SNX24: variants seen among roughly 807,000 people sequenced by gnomAD.
SNX24 encodes the protein sorting nexin 24.
Under a neutral mutation model 28.7 loss-of-function variants are expected in SNX24, and 22 were observed. That is an observed-to-expected ratio of 0.77 (90% confidence interval 0.55 to 1.10). SNX24 has a LOEUF of 1.10. Among genes scored for constraint, SNX24 ranks in the 50% least tolerant of loss-of-function variants. The pLI, the probability that SNX24 is intolerant of heterozygous loss-of-function variation, is 0.00. For missense variants in SNX24, 221 were observed against 201.1 expected (o/e 1.10, Z -0.60); for synonymous variants, 69 against 71.5 (o/e 0.96, Z 0.18).
At chr5:123,023,902 A>G (rs1180603090) in intron 5 of SNX24, 1 of 1,613,898 alleles carries the variant, frequency 6.2e-7, no homozygotes, top group Non-Finnish European at 8.5e-7. Flanking sequence ...CAACCACAAA[A>G]GGCGTTTTCA....
intron 1 of SNX24, among the ~76,000 whole-genome samples, chr5:122,914,322 A>G (rs1758064095): frequency 6.6e-6 from 1 of 152,226 alleles, no homozygotes; most frequent in African/African-American, 2.4e-5. Flanking sequence ...GGATTTTTGC[A>G]TCAATGTTCA....
At chr5:123,013,961 T>C (rs890123349), downstream of SNX24, among the ~76,000 whole-genome samples, 9 of 152,198 alleles carry the variant, frequency 5.9e-5, no homozygotes, top group African/African-American at 1.7e-4. Context: ...GAATGAATAC[T>C]AATTTAGGGG....
At chr5:122,912,602 G>A (rs1480835085) in intron 1 of SNX24, among the ~76,000 whole-genome samples, 1 of 152,054 alleles carries the variant, frequency 6.6e-6, no homozygotes, top group East Asian at 1.9e-4. Context: ...ATTGGCTGTG[G>A]GTTTGTCATA....
At chr5:122,946,015 T>TG (rs5871017) in intron 2 of SNX24, 40 bp from the exon 3 acceptor site, 18 of 914,220 alleles carry the variant, frequency 2.0e-5, no homozygotes, top group Non-Finnish European at 2.5e-5. Context: ...GACATCTCTG[T>TG]TTTTTTTTTT....
chr5:122,969,747 G>A (rs549974275), intron 3 of SNX24, among the ~76,000 whole-genome samples: 8 of 152,206 alleles, frequency 5.3e-5, no homozygotes, highest in East Asian at 1.9e-4. Flanking sequence ...AAACATTCAC[G>A]ATAGGAGACT....
intron 5 of SNX24, among the ~76,000 whole-genome samples, chr5:123,027,791 A>C (rs1762882418): frequency 6.6e-6 from 1 of 152,226 alleles, no homozygotes; most frequent in Non-Finnish European, 1.5e-5. Flanking sequence ...GTATTTGTTG[A>C]ATTAAAAATC....
At chr5:122,971,659 C>T (rs993493717) in intron 3 of SNX24, among the ~76,000 whole-genome samples, 1 of 152,042 alleles carries the variant, frequency 6.6e-6, no homozygotes, top group Admixed American at 6.6e-5. Flanking sequence ...TCTTATATCA[C>T]ATGATAAGGG....
At chr5:122,958,490 G>A (rs995465828) in intron 3 of SNX24, among the ~76,000 whole-genome samples, 1 of 151,808 alleles carries the variant, frequency 6.6e-6, no homozygotes, top group African/African-American at 2.4e-5. Context: ...TTGATCTCAG[G>A]TGATCCACCC....
chr5:122,948,123 T>C (rs937420325), intron 3 of SNX24, among the ~76,000 whole-genome samples: 2 of 152,216 alleles, frequency 1.3e-5, no homozygotes, highest in African/African-American at 4.8e-5. Flanking sequence ...GAGTTAGTTT[T>C]CTTTTCCGCT....
intron 1 of SNX24, among the ~76,000 whole-genome samples, chr5:122,907,589 T>C (rs544399144): frequency 6.6e-6 from 1 of 152,334 alleles, no homozygotes; most frequent in African/African-American, 2.4e-5. Context: ...TCCAGACATG[T>C]ACTAATTTAT....
intron 1 of SNX24, among the ~76,000 whole-genome samples, chr5:122,918,221 C>T (rs1026263955): frequency 6.6e-5 from 10 of 152,142 alleles, no homozygotes; most frequent in African/African-American, 2.4e-4. Flanking sequence ...GGGGTTAGAG[C>T]TTCAGCATAC....
At chr5:122,855,336 G>A (rs1326112313) in intron 1 of SNX24, among the ~76,000 whole-genome samples, 1 of 152,108 alleles carries the variant, frequency 6.6e-6, no homozygotes, top group Non-Finnish European at 1.5e-5. Flanking sequence ...CCAAAGTGCT[G>A]GGATTACAGG....
intron 1 of SNX24, among the ~76,000 whole-genome samples, chr5:122,901,784 T>C (rs1581724721): frequency 6.6e-6 from 1 of 152,190 alleles, no homozygotes; most frequent in African/African-American, 2.4e-5. Flanking sequence ...GCCTGGTAGA[T>C]GCCTGGTCCT....
At chr5:123,024,951 G>C (rs1762830262) in intron 5 of SNX24, among the ~76,000 whole-genome samples, 1 of 152,110 alleles carries the variant, frequency 6.6e-6, no homozygotes, top group South Asian at 2.1e-4. Flanking sequence ...AAGGGAATGA[G>C]GGTTTTAAGA....
chr5:122,883,234 G>GTGAC (rs1756559513), intron 1 of SNX24, among the ~76,000 whole-genome samples: 1 of 152,158 alleles, frequency 6.6e-6, no homozygotes, highest in South Asian at 2.1e-4. Context: ...TTTCAGATCT[G>GTGAC]TGACTCCAAG....
chr5:122,890,298 G>A lies in SNX24; in HGVS notation c.60+44605G>A, dbSNP rs867749562. On this transcript the variant is annotated intron_variant, in intron 1 of 6. Coordinates refer to ENST00000261369, the MANE Select transcript of SNX24 (RefSeq NM_014035.4). ...CTTTTATAATTATTAACTAACACTT[G>A]GGAAGACATTTTGAGATTATATAAG... 4.6e-5 allele frequency among the ~76,000 whole-genome samples: 7 copies of A among 151,858 alleles called. No individual in the cohort carries two copies. In the South Asian group the frequency reaches 8.3e-4, roughly 18 times the overall value.
chr5:123,025,963 T>C, intron 5 of SNX24: 1 of 1,590,626 alleles, frequency 6.3e-7, no homozygotes, highest in Non-Finnish European at 8.5e-7. Flanking sequence ...CCATAGATGC[T>C]CACACCTGAG....
chr5:123,018,779 C>T (rs1240827866), intron 5 of SNX24, among the ~76,000 whole-genome samples: 3 of 151,864 alleles, frequency 2.0e-5, no homozygotes, highest in African/African-American at 2.4e-5. Context: ...CTCCGCCTCC[C>T]GGGTTCAAGC....
chr5:122,983,230 T>C (rs1427857127), intron 3 of SNX24: 2 of 151,950 alleles, frequency 1.3e-5, no homozygotes, highest in Non-Finnish European at 2.9e-5. Flanking sequence ...ATTTAGATTG[T>C]ATTTTGATTA....
Sources: gnomAD v4.1 joint callset for allele counts (sites outside exome capture counted in the v4.1 genomes callset) on GRCh38, gnomAD v4.1.1 for gene constraint, MANE v1.5 for transcripts, NCBI Gene and HGNC (gene_info 2026-07-23, HGNC 2026-07-21) for gene names.